TMEM132C: variants seen among roughly 807,000 people sequenced by gnomAD.
The protein encoded by TMEM132C is transmembrane protein 132C.
In TMEM132C, 29 loss-of-function variants were observed where a neutral mutation model predicts 61.4. That is an observed-to-expected ratio of 0.47 (90% CI 0.35 to 0.64). The LOEUF (loss-of-function observed/expected upper bound fraction) is 0.64, where lower values mean the gene tolerates loss of function less well. TMEM132C is among the 30% of genes least tolerant of loss of function. The probability of loss-of-function intolerance (pLI) is 0.00; values close to 1 mark genes in which losing one functional copy is unlikely to be tolerated. For missense variants in TMEM132C, 1,408 were observed against 1,476.9 expected, an observed-to-expected ratio of 0.95 and a Z score of 0.76; for synonymous variants, 656 against 633.1, an observed-to-expected ratio of 1.04 and a Z score of -0.54.
chr12:128,613,768 G>A (rs546265169), intron 3 of TMEM132C, among the ~76,000 whole-genome samples: 2 of 152,296 alleles, frequency 1.3e-5, no homozygotes, highest in African/African-American at 4.8e-5. Context: ...GTGATGTGGT[G>A]GAGAGTTAGT....
At chr12:128,440,546 C>T (rs1869747846) in intron 2 of TMEM132C, among the ~76,000 whole-genome samples, 1 of 152,238 alleles carries the variant, frequency 6.6e-6, no homozygotes. Context: ...CACATCTCTG[C>T]TGCCCTCCAA....
intron 3 of TMEM132C, among the ~76,000 whole-genome samples, chr12:128,588,362 G>T (rs1293631994): frequency 6.6e-6 from 1 of 152,150 alleles, no homozygotes; most frequent in Non-Finnish European, 1.5e-5. Context: ...AGCCAGGGAG[G>T]TTGAGGCTTC....
intron 1 of TMEM132C, among the ~76,000 whole-genome samples, chr12:128,402,374 T>A (rs1875190216): frequency 6.6e-6 from 1 of 152,124 alleles, no homozygotes; most frequent in Non-Finnish European, 1.5e-5. Flanking sequence ...TTAGTAACTT[T>A]TCCTGATCCT....
At chr12:128,684,046 G>A (rs1438761630) in intron 5 of TMEM132C, among the ~76,000 whole-genome samples, 2 of 152,000 alleles carry the variant, frequency 1.3e-5, no homozygotes, top group Non-Finnish European at 2.9e-5. Flanking sequence ...TCCTGGAACC[G>A]TCTTCCCCCA....
chr12:128,407,478 T>C (rs1433810847), intron 1 of TMEM132C, among the ~76,000 whole-genome samples: 1 of 152,220 alleles, frequency 6.6e-6, no homozygotes, highest in Non-Finnish European at 1.5e-5. Flanking sequence ...CCCTGAAATG[T>C]AGAGGCTTGA....
chr12:128,394,924 C>T (rs1874892165), intron 1 of TMEM132C, among the ~76,000 whole-genome samples: 1 of 116,574 alleles, frequency 8.6e-6, no homozygotes. Context: ...AAAAAAAAAT[C>T]TAGTAAAGCT....
intron 2 of TMEM132C, among the ~76,000 whole-genome samples, chr12:128,491,528 A>G (rs7133282): frequency 0.53 from 79,866 of 151,880 alleles, 21,347 homozygotes; most frequent in African/African-American, 0.62. Flanking sequence ...CCAACAGCCC[A>G]ATGGATTCCC....
intron 5 of TMEM132C, among the ~76,000 whole-genome samples, chr12:128,671,976 C>T (rs748415965): frequency 1.4e-4 from 21 of 152,140 alleles, no homozygotes; most frequent in Non-Finnish European, 2.2e-4. Context: ...ATGTGAGCCA[C>T]ATATGAAATT....
At chr12:128,532,640 C>CAAAAAAAAAAAAAA (rs61283555) in intron 2 of TMEM132C, among the ~76,000 whole-genome samples, 4 of 67,172 alleles carry the variant, frequency 6.0e-5, no homozygotes, top group Admixed American at 2.3e-4. Context: ...GACTCCATCT[C>CAAAAAAAAAAAAAA]AAAAAAAAAA....
At chr12:128,683,898 G>A (rs934679651) in intron 5 of TMEM132C, among the ~76,000 whole-genome samples, 7 of 152,160 alleles carry the variant, frequency 4.6e-5, no homozygotes, top group Middle Eastern at 3.4e-3. Flanking sequence ...CCCAGAAGGC[G>A]GAGGTTGCAG....
chr12:128,521,006 A>T (rs191168481), intron 2 of TMEM132C, among the ~76,000 whole-genome samples: 5 of 151,906 alleles, frequency 3.3e-5, no homozygotes, highest in African/African-American at 9.6e-5. Flanking sequence ...GAATGTGCTT[A>T]TTAAGGTGCA....
intron 5 of TMEM132C, among the ~76,000 whole-genome samples, chr12:128,687,243 T>C (rs1401122475): frequency 6.7e-6 from 1 of 150,100 alleles, no homozygotes; most frequent in Non-Finnish European, 1.5e-5. Context: ...GAAAGAATCT[T>C]TGAGAAGTTG....
At chr12:128,551,135 G>A (rs1874160058) in intron 3 of TMEM132C, among the ~76,000 whole-genome samples, 1 of 151,782 alleles carries the variant, frequency 6.6e-6, no homozygotes, top group Non-Finnish European at 1.5e-5. Context: ...TCCTTAATCA[G>A]TCACTTGCAA....
chr12:128,383,891 T>A (rs1029652617), intron 1 of TMEM132C, among the ~76,000 whole-genome samples: 31 of 152,228 alleles, frequency 2.0e-4, no homozygotes, highest in Non-Finnish European at 2.5e-4. Context: ...AGGATAGTTA[T>A]GGATTATCTA....
intron 1 of TMEM132C, among the ~76,000 whole-genome samples, chr12:128,343,157 G>A (rs375189121): frequency 3.9e-4 from 60 of 152,280 alleles, no homozygotes; most frequent in African/African-American, 1.3e-3. Context: ...CAGGTGCGAT[G>A]GCTCATGCCT....
chr12:128,610,890 C>T (rs1365380906), intron 3 of TMEM132C, among the ~76,000 whole-genome samples: 1 of 152,100 alleles, frequency 6.6e-6, no homozygotes, highest in Admixed American at 6.5e-5. Context: ...GAGAGCCTGC[C>T]CCTCCACTGT....
At chr12:128,643,267 G>T (rs554200468) in intron 4 of TMEM132C, among the ~76,000 whole-genome samples, 1 of 152,256 alleles carries the variant, frequency 6.6e-6, no homozygotes, top group African/African-American at 2.4e-5. Context: ...CAGGAAACTG[G>T]AAAATGTCTC....
At chr12:128,450,202 C>A (rs2136056830) in intron 2 of TMEM132C, among the ~76,000 whole-genome samples, 1 of 152,290 alleles carries the variant, frequency 6.6e-6, no homozygotes, top group Non-Finnish European at 1.5e-5. Context: ...AGGAACTAAA[C>A]TTTTAATTTT....
chr12:128,489,745 A>C (rs376089093), intron 2 of TMEM132C, among the ~76,000 whole-genome samples: 1 of 151,760 alleles, frequency 6.6e-6, no homozygotes. Flanking sequence ...TCAGTCAGAA[A>C]TTTTCTCGCC....
Sources: gnomAD v4.1 joint callset for allele counts (sites outside exome capture counted in the v4.1 genomes callset) on GRCh38, gnomAD v4.1.1 for gene constraint, MANE v1.5 for transcripts, NCBI Gene and HGNC (gene_info 2026-07-23, HGNC 2026-07-21) for gene names.